MSRA: variants seen among roughly 807,000 people sequenced by gnomAD.
MSRA encodes the protein methionine sulfoxide reductase A.
Under a neutral mutation model 31.3 loss-of-function variants are expected in MSRA, and 54 were observed. That is an observed-to-expected ratio of 1.73 (90% CI 1.39 to 2.17). The LOEUF (loss-of-function observed/expected upper bound fraction) is 2.17, where lower values mean the gene tolerates loss of function less well. MSRA is among the 30% of genes most tolerant of loss of function. MSRA has a pLI of 0.00. For missense variants in MSRA, 507 were observed against 300.9 expected, an observed-to-expected ratio of 1.69 and a Z score of -5.07; for synonymous variants, 169 against 116.5, an observed-to-expected ratio of 1.45 and a Z score of -2.90.
chr8:10,112,731 A>G lies in MSRA; in HGVS notation c.142+58073A>G, dbSNP rs182619743. On this transcript the variant is annotated intron_variant, in intron 1 of 5. Transcript: ENST00000317173. ...ACGACAGAGAAAAACACAGAGACCT[A>G]TGGGAACATGATAGCCATGGCTTTC... Among the ~76,000 whole-genome samples the G allele has an allele frequency of 2.7e-4, 41 of 152,326 alleles. No individual in the cohort carries two copies. In the East Asian group the frequency reaches 7.3e-3, roughly 27 times the overall value.
chr8:10,078,645 G>C (rs1017612089), intron 1 of MSRA, among the ~76,000 whole-genome samples: 2 of 152,394 alleles, frequency 1.3e-5, no homozygotes, highest in African/African-American at 4.8e-5. Flanking sequence ...TCTGCTTTCA[G>C]CAGGAGAGGC....
intron 3 of MSRA, among the ~76,000 whole-genome samples, chr8:10,299,233 C>T (rs1047081610): frequency 3.9e-5 from 6 of 152,136 alleles, no homozygotes; most frequent in South Asian, 2.1e-4. Flanking sequence ...AGCCTGTTTA[C>T]GTCTTTTGCT....
chr8:10,141,176 A>G (rs947418414), intron 1 of MSRA, among the ~76,000 whole-genome samples: 9 of 152,194 alleles, frequency 5.9e-5, no homozygotes, highest in African/African-American at 2.2e-4. Flanking sequence ...CTGAACACCC[A>G]CAGAAATGGG....
At chr8:10,423,770 G>A (rs994404645) in intron 5 of MSRA, among the ~76,000 whole-genome samples, 6 of 152,156 alleles carry the variant, frequency 3.9e-5, no homozygotes, top group African/African-American at 7.2e-5. Context: ...GCCTGAGTCC[G>A]TCGTCCCCTT....
At chr8:10,403,685 C>T (rs1016979462) in intron 5 of MSRA, among the ~76,000 whole-genome samples, 1 of 152,232 alleles carries the variant, frequency 6.6e-6, no homozygotes, top group Non-Finnish European at 1.5e-5. Context: ...CAACTGTGGG[C>T]TCTACTGAGG....
rs113970012 is a variant in MSRA at position 10,340,305 on chromosome 8, CA to C, written c.543+20326del. On this transcript the variant is annotated intron_variant, in intron 5 of 5. Transcript: ENST00000317173. The stretch of plus-strand genomic sequence containing the variant: ...GGGTATTGAACTAGATTTTGACAAT[CA>C]AAAAAAAAATGTATATCCGAATTCC... Among the ~76,000 whole-genome samples the C allele has an allele frequency of 4.8e-3, 712 of 148,792 alleles. 5 individuals are homozygous for C. Among genetic ancestry groups the C allele is most frequent in the South Asian group, 0.021 (98 of 4,690 alleles).
chr8:10,399,627 C>A (rs571575821), intron 5 of MSRA, among the ~76,000 whole-genome samples: 1 of 152,240 alleles, frequency 6.6e-6, no homozygotes, highest in African/African-American at 2.4e-5. Flanking sequence ...CCAATTCAAC[C>A]TCTTTTCTTT....
At chr8:10,100,619 T>C (rs1180909320) in intron 1 of MSRA, among the ~76,000 whole-genome samples, 1 of 151,930 alleles carries the variant, frequency 6.6e-6, no homozygotes, top group Non-Finnish European at 1.5e-5. Context: ...AAAGAAAAGG[T>C]TTTGAGAGTA....
At chr8:10,207,244 G>A (rs563151750) in intron 1 of MSRA, among the ~76,000 whole-genome samples, 3 of 152,278 alleles carry the variant, frequency 2.0e-5, no homozygotes, top group South Asian at 4.1e-4. Context: ...GACCTGGGTG[G>A]GGGGATAAGG....
intron 1 of MSRA, among the ~76,000 whole-genome samples, chr8:10,094,116 C>T (rs1279625681): frequency 6.6e-6 from 1 of 152,158 alleles, no homozygotes; most frequent in Non-Finnish European, 1.5e-5. Flanking sequence ...TTTCATCATC[C>T]CTATTTGAAG....
rs927068644 is a variant in MSRA, at chr8:10,084,289, C to G, written c.142+29631C>G. 1.3e-5 allele frequency among the ~76,000 whole-genome samples: 2 copies of G among 152,238 alleles called. 1 individual carries two copies. The highest frequency in any genetic ancestry group is 3.8e-4 in the East Asian group (2 of 5,200). ...TCTTTCTTTAAGGTTTGCCTTCTGG[C>G]CAGATCCCTGGGCAGGGGCCCAGCT... On this transcript the variant is annotated intron_variant, in intron 1 of 5. Transcript: ENST00000317173.
chr8:10,335,252 T>G (rs1802963975), intron 5 of MSRA, among the ~76,000 whole-genome samples: 2 of 118,108 alleles, frequency 1.7e-5, no homozygotes, highest in Non-Finnish European at 4.2e-5. Flanking sequence ...CCAGCTCTGT[T>G]TTTTTTTTTT....
chr8:10,416,238 A>G (rs1808451406), intron 5 of MSRA, among the ~76,000 whole-genome samples: 1 of 152,212 alleles, frequency 6.6e-6, no homozygotes, highest in Admixed American at 6.5e-5. Flanking sequence ...GGTCCTTGAC[A>G]CACAGCCAGT....
chr8:10,415,339 C>T (rs996245545), intron 5 of MSRA, among the ~76,000 whole-genome samples: 4 of 152,162 alleles, frequency 2.6e-5, no homozygotes, highest in Non-Finnish European at 5.9e-5. Flanking sequence ...AAACAAATGA[C>T]GGCCACCCAC....
At chr8:10,164,607 A>G (rs1016305300) in intron 1 of MSRA, among the ~76,000 whole-genome samples, 2 of 152,244 alleles carry the variant, frequency 1.3e-5, no homozygotes, top group Non-Finnish European at 2.9e-5. Flanking sequence ...CCAAATCCTA[A>G]TAGACTTTTT....
At chr8:10,080,414 G>C (rs970648268) in intron 1 of MSRA, among the ~76,000 whole-genome samples, 3 of 151,922 alleles carry the variant, frequency 2.0e-5, no homozygotes, top group Non-Finnish European at 4.4e-5. Context: ...AGTTTGGAAG[G>C]AGAACCGTGC....
At chr8:10,303,372 G>C (rs1800951247) in intron 4 of MSRA, among the ~76,000 whole-genome samples, 3 of 152,170 alleles carry the variant, frequency 2.0e-5, no homozygotes, top group Non-Finnish European at 4.4e-5. Context: ...CTGAACCTCG[G>C]GGGGAATACT....
intron 1 of MSRA, among the ~76,000 whole-genome samples, chr8:10,146,840 T>G (rs977957320): frequency 1.3e-5 from 2 of 152,152 alleles, no homozygotes; most frequent in African/African-American, 4.8e-5. Flanking sequence ...GAGGTGGGGC[T>G]TTATCTTAGC....
chr8:10,205,425 G>A (rs1378872604), intron 1 of MSRA, among the ~76,000 whole-genome samples: 1 of 152,104 alleles, frequency 6.6e-6, no homozygotes, highest in African/African-American at 2.4e-5. Flanking sequence ...AGCATGGCAG[G>A]CCCATTCCCA....
Sources: gnomAD v4.1 joint callset for allele counts (sites outside exome capture counted in the v4.1 genomes callset) on GRCh38, gnomAD v4.1.1 for gene constraint, MANE v1.5 for transcripts, NCBI Gene and HGNC (gene_info 2026-07-23, HGNC 2026-07-21) for gene names.